ATP2B1: variants seen among roughly 807,000 people sequenced by gnomAD.
ATP2B1 encodes the protein plasma membrane calcium-transporting ATPase 1.
Under a neutral mutation model 124.2 loss-of-function variants are expected in ATP2B1, and 14 were observed. The ratio of observed to expected loss-of-function variants is 0.11; its 90% CI spans 0.07 to 0.18. The LOEUF is 0.18. Among genes scored for constraint, ATP2B1 ranks in the 10% least tolerant of loss-of-function variants. The pLI is 1.00. For synonymous variants in ATP2B1, 449 were observed against 492.4 expected (o/e 0.91, Z 1.17); for missense variants, 763 against 1,466.1 (o/e 0.52, Z 7.83).
chr12:89,658,257 C>CGATA (rs1158810312), intron 1 of ATP2B1, among the ~76,000 whole-genome samples: 3 of 152,124 alleles, frequency 2.0e-5, no homozygotes, highest in Non-Finnish European at 4.4e-5. Flanking sequence ...GCCTGCTATC[C>CGATA]CATCAATCAC....
At chr12:89,662,691 A>T (rs755443622) in intron 1 of ATP2B1, among the ~76,000 whole-genome samples, 1 of 152,190 alleles carries the variant, frequency 6.6e-6, no homozygotes, top group African/African-American at 2.4e-5. Context: ...GAAAATAAGC[A>T]TTATCTAAAA....
chr12:89,597,064 C>CT (rs907106715), intron 20 of ATP2B1, among the ~76,000 whole-genome samples: 2 of 152,070 alleles, frequency 1.3e-5, no homozygotes, highest in South Asian at 2.1e-4. Context: ...TTTCCAACTA[C>CT]TTTTTTTTGT....
At chr12:89,691,577 A>G (rs1890560157) in intron 1 of ATP2B1, among the ~76,000 whole-genome samples, 1 of 152,186 alleles carries the variant, frequency 6.6e-6, no homozygotes, top group East Asian at 1.9e-4. Flanking sequence ...AGTCAAACAT[A>G]ATTAACCAGA....
chr12:89,657,850 T>A (rs1886140988), intron 1 of ATP2B1, among the ~76,000 whole-genome samples: 1 of 152,140 alleles, frequency 6.6e-6, no homozygotes. Flanking sequence ...GATGGCTGGG[T>A]GAGAAAAGTT....
At chr12:89,615,822 C>T (rs1188331189) in intron 12 of ATP2B1, among the ~76,000 whole-genome samples, 2 of 152,150 alleles carry the variant, frequency 1.3e-5, no homozygotes, top group Admixed American at 1.3e-4. Context: ...TAGGTCTATG[C>T]TCTATACATT....
intron 1 of ATP2B1, among the ~76,000 whole-genome samples, chr12:89,666,912 G>A (rs1028092980): frequency 6.6e-6 from 1 of 151,808 alleles, no homozygotes; most frequent in Non-Finnish European, 1.5e-5. Flanking sequence ...CCTCAGACTA[G>A]CCAATATTCA....
chr12:89,670,530 G>A (rs1887830539), intron 1 of ATP2B1, among the ~76,000 whole-genome samples: 1 of 152,038 alleles, frequency 6.6e-6, no homozygotes, highest in East Asian at 1.9e-4. Context: ...GAAAGATCCC[G>A]TCGTGCAAGT....
At chr12:89,593,155 A>G (rs1164871984) in intron 20 of ATP2B1, among the ~76,000 whole-genome samples, 2 of 152,094 alleles carry the variant, frequency 1.3e-5, no homozygotes, top group Admixed American at 6.6e-5. Flanking sequence ...TTTGCTAAAT[A>G]TAACGTTATA....
chr12:89,626,451 T>A lies in ATP2B1; in HGVS notation c.1129+3A>T. 6.2e-7 allele frequency: 1 copy of A among 1,602,558 alleles called. No homozygotes were observed. Among genetic ancestry groups the A allele is most frequent in the East Asian group, 2.2e-5 (1 of 44,776 alleles). ...ACACTTTATTTTCTTCTCTATATCA[T>A]ACCTGCTTTGCCAATCTGAACAGCC... is the stretch of plus-strand genomic sequence containing the variant. On this transcript the variant is annotated splice_donor_region_variant and intron_variant, in intron 8 of 20. Coordinates refer to ENST00000428670, the MANE Select transcript of ATP2B1 (RefSeq NM_001366521.1).
At chr12:89,648,651 CAAT>C (rs1884830189) in intron 2 of ATP2B1, among the ~76,000 whole-genome samples, 2 of 152,328 alleles carry the variant, frequency 1.3e-5, no homozygotes, top group Middle Eastern at 3.4e-3. Context: ...GGCTGTGGTG[CAAT>C]CACTTTCTAG....
chr12:89,617,922 TCTA>T (rs1879274774), intron 11 of ATP2B1, among the ~76,000 whole-genome samples: 1 of 152,202 alleles, frequency 6.6e-6, no homozygotes, highest in African/African-American at 2.4e-5. Flanking sequence ...TGATCATCTC[TCTA>T]CTATTAGCTC....
intron 9 of ATP2B1, among the ~76,000 whole-genome samples, 164 bp downstream of exon 9, chr12:89,624,019 G>A (rs1304621011): frequency 6.6e-6 from 1 of 152,134 alleles, no homozygotes; most frequent in African/African-American, 2.4e-5. Context: ...TATTCAACTG[G>A]TGGGAGGTAC....
chr12:89,602,822 A>C (rs1876131319), intron 18 of ATP2B1, among the ~76,000 whole-genome samples: 1 of 152,104 alleles, frequency 6.6e-6, no homozygotes. Context: ...AGTTGGAAGA[A>C]ATAAAACTGT....
chr12:89,618,075 A>G (rs1000819289), intron 11 of ATP2B1, among the ~76,000 whole-genome samples: 3 of 151,744 alleles, frequency 2.0e-5, no homozygotes, highest in African/African-American at 7.3e-5. Flanking sequence ...CTTTTAACTG[A>G]TATGTCTCTA....
intron 18 of ATP2B1, among the ~76,000 whole-genome samples, chr12:89,602,063 T>C (rs1875954819): frequency 1.3e-5 from 2 of 152,222 alleles, no homozygotes; most frequent in Admixed American, 1.3e-4. Flanking sequence ...TGATGATGAA[T>C]ATAAATTCAT....
intron 9 of ATP2B1, among the ~76,000 whole-genome samples, chr12:89,623,689 A>G (rs565103252): frequency 6.6e-6 from 1 of 152,234 alleles, no homozygotes; most frequent in Non-Finnish European, 1.5e-5. Flanking sequence ...AAGGGAATTG[A>G]GCACTGAGAG....
At chr12:89,623,581 A>G (rs1880345169) in intron 9 of ATP2B1, among the ~76,000 whole-genome samples, 1 of 152,206 alleles carries the variant, frequency 6.6e-6, no homozygotes, top group African/African-American at 2.4e-5. Flanking sequence ...GAAAGAGAGC[A>G]GGTTACTCAA....
intron 15 of ATP2B1, among the ~76,000 whole-genome samples, chr12:89,604,664 ACT>A (rs113652351): frequency 6.6e-6 from 1 of 152,214 alleles, no homozygotes; most frequent in African/African-American, 2.4e-5. Context: ...AAGCAAACAA[ACT>A]CTATGAAGAC....
intron 15 of ATP2B1, among the ~76,000 whole-genome samples, chr12:89,606,430 C>T (rs902621891): frequency 1.3e-5 from 2 of 152,124 alleles, no homozygotes; most frequent in African/African-American, 4.8e-5. Flanking sequence ...ACTACTTGAC[C>T]TTTTAAATGC....
Sources: gnomAD v4.1 joint callset for allele counts (sites outside exome capture counted in the v4.1 genomes callset) on GRCh38, gnomAD v4.1.1 for gene constraint, MANE v1.5 for transcripts, NCBI Gene and HGNC (gene_info 2026-07-23, HGNC 2026-07-21) for gene names.